Variants in SEZ6L observed in about 807,000 individuals in gnomAD.
The protein encoded by SEZ6L is seizure related 6 homolog like.
A neutral mutation model predicts 106.2 loss-of-function variants in SEZ6L; 37 were observed. That is an observed-to-expected ratio of 0.35 (90% CI 0.27 to 0.46). The LOEUF is 0.46. SEZ6L is among the 20% of genes least tolerant of loss of function. The pLI, the probability that SEZ6L is intolerant of heterozygous loss-of-function variation, is 1.00. For synonymous variants in SEZ6L, 541 were observed against 570.4 expected (o/e 0.95, Z 0.73); for missense variants, 1,172 against 1,332.8 (o/e 0.88, Z 1.88).
At chr22:26,328,383 A>C (rs934704007) in intron 9 of SEZ6L, among the ~76,000 whole-genome samples, 1 of 152,184 alleles carries the variant, frequency 6.6e-6, no homozygotes, top group African/African-American at 2.4e-5. Flanking sequence ...TGTCAACAAT[A>C]TTATCCCCAT....
intron 4 of SEZ6L, among the ~76,000 whole-genome samples, chr22:26,298,391 C>G (rs530008562): frequency 1.3e-5 from 2 of 152,166 alleles, no homozygotes; most frequent in Admixed American, 1.3e-4. Context: ...CTACTGACTG[C>G]GAAGGAGGCT....
At chr22:26,266,429 C>T (rs891777785) in intron 1 of SEZ6L, among the ~76,000 whole-genome samples, 4 of 150,870 alleles carry the variant, frequency 2.7e-5, no homozygotes, top group Non-Finnish European at 4.4e-5. Context: ...AAAATTTAGC[C>T]GGGCGTGGTG....
chr22:26,211,716 T>C (rs750740891), intron 1 of SEZ6L, among the ~76,000 whole-genome samples: 4 of 136,942 alleles, frequency 2.9e-5, no homozygotes, highest in Admixed American at 8.2e-5. Context: ...ACACCTGTAA[T>C]CCCAGCTACT....
chr22:26,348,516 AG>A (rs1465429692), intron 11 of SEZ6L, among the ~76,000 whole-genome samples: 9 of 16,168 alleles, frequency 5.6e-4, no homozygotes. Flanking sequence ...GAGAGAGAGA[AG>A]GAAGGAAGGA....
intron 1 of SEZ6L, among the ~76,000 whole-genome samples, chr22:26,269,553 C>G (rs2080296370): frequency 6.6e-6 from 1 of 152,186 alleles, no homozygotes; most frequent in African/African-American, 2.4e-5. Flanking sequence ...AGGTTAATCC[C>G]AATCTTCGAC....
chr22:26,210,083 G>T (rs1390956482), intron 1 of SEZ6L, among the ~76,000 whole-genome samples: 1 of 152,034 alleles, frequency 6.6e-6, no homozygotes, highest in African/African-American at 2.4e-5. Context: ...AATATCATTT[G>T]TTTGTGAACC....
At chr22:26,244,745 T>TC (rs1235077891) in intron 1 of SEZ6L, 1 of 150,696 alleles carries the variant, frequency 6.6e-6, no homozygotes, top group African/African-American at 2.4e-5. Flanking sequence ...TTTTATATTT[T>TC]TCCCCCTTCC....
At chr22:26,321,640 G>C (rs1275667030) in intron 9 of SEZ6L, among the ~76,000 whole-genome samples, 4 of 152,176 alleles carry the variant, frequency 2.6e-5, no homozygotes, top group African/African-American at 4.8e-5. Flanking sequence ...GAGCTGCTGG[G>C]TTTAATTTAT....
chr22:26,351,690 G>A (rs969628494), intron 12 of SEZ6L, among the ~76,000 whole-genome samples: 2 of 152,102 alleles, frequency 1.3e-5, no homozygotes, highest in African/African-American at 4.8e-5. Context: ...GGGATTACAG[G>A]CGCGTGCCAC....
chr22:26,264,462 C>T (rs561417618), intron 1 of SEZ6L, among the ~76,000 whole-genome samples: 68 of 152,208 alleles, frequency 4.5e-4, no homozygotes, highest in African/African-American at 1.6e-3. Flanking sequence ...GAATTTAATG[C>T]CAAAATGGGT....
chr22:26,207,968 G>A (rs905479735), intron 1 of SEZ6L, among the ~76,000 whole-genome samples: 1 of 150,170 alleles, frequency 6.7e-6, no homozygotes, highest in Non-Finnish European at 1.5e-5. Context: ...GGAGTGCAGT[G>A]GCGCGATCTC....
rs554541403 is a variant in SEZ6L, at chr22:26,353,128, T to C, written c.2599+1885T>C. On this transcript the variant is annotated intron_variant, in intron 12 of 16. Transcript: ENST00000248933. ...GATTCTTGGACCACACAGCCCTGTG[T>C]CTCCATCTGTCTTTTTAGTCAGAGT... Among the ~76,000 whole-genome samples the C allele has an allele frequency of 2.6e-5, 4 of 152,346 alleles. No homozygotes were observed. In the East Asian group the frequency reaches 5.8e-4, roughly 22 times the overall value.
At position 26,381,933 on chromosome 22, in the gene SEZ6L, A is replaced by C. The variant is rs921756120; in HGVS notation, c.*1638A>C. On this transcript the variant is annotated 3_prime_UTR_variant, in exon 17 of 17. Transcript: ENST00000248933. ...AAAGACCTTTCTGGCCATAGGGAGA[A>C]TAGCAGGGAGTCTATGTTTTGGTGG... The C allele has an allele frequency of 4.0e-6, 2 of 494,120 alleles. No homozygotes were observed. Among genetic ancestry groups the C allele is most frequent in the Admixed American group, 4.2e-5 (2 of 48,156 alleles). 30.6% of individuals were successfully genotyped at this position (494,120 alleles called of 1,614,324 possible). A position where few individuals can be genotyped will look rare whatever the true frequency, so the allele number is the denominator to read the frequency against.
intron 12 of SEZ6L, among the ~76,000 whole-genome samples, chr22:26,363,299 T>C (rs927893452): frequency 2.0e-5 from 3 of 152,224 alleles, no homozygotes; most frequent in Admixed American, 1.3e-4. Context: ...AGAAAAGGGT[T>C]CTAGCTGGGA....
chr22:26,324,926 C>T (rs760044257), intron 9 of SEZ6L, among the ~76,000 whole-genome samples: 12 of 152,144 alleles, frequency 7.9e-5, no homozygotes, highest in Admixed American at 2.6e-4. Context: ...TAGAGATCAG[C>T]GTTGTGCTTC....
intron 1 of SEZ6L, among the ~76,000 whole-genome samples, chr22:26,227,738 T>G (rs909606832): frequency 5.3e-5 from 8 of 152,204 alleles, no homozygotes; most frequent in Non-Finnish European, 1.0e-4. Context: ...AGTACGATTA[T>G]GAGTGATTGG....
In SEZ6L at chr22:26,239,467, G is replaced by A. The variant is rs113483860; in HGVS notation, c.95-52939G>A. Reference sequence around the variant, plus strand: ...TTTTATCCAGTGAGACCATGAAAAGGGATTGTGGGAATCTTCATTTTGTAT... The same window carrying A: ...TTTTATCCAGTGAGACCATGAAAAGAGATTGTGGGAATCTTCATTTTGTAT... On this transcript the variant is annotated intron_variant, in intron 1 of 16. Transcript: ENST00000248933. Among the ~76,000 whole-genome samples the A allele has an allele frequency of 6.0e-3, 921 of 152,258 alleles. 9 individuals are homozygous for A. Among genetic ancestry groups the A allele is most frequent in the African/African-American group, 0.021 (853 of 41,546 alleles).
intron 1 of SEZ6L, among the ~76,000 whole-genome samples, chr22:26,289,089 G>C (rs1354705585): frequency 6.6e-6 from 1 of 152,158 alleles, no homozygotes; most frequent in Non-Finnish European, 1.5e-5. Context: ...CTGCCCATTT[G>C]ACACATAGAG....
intron 5 of SEZ6L, 130 bp from the exon 6 acceptor site, chr22:26,305,849 C>G: frequency 1.0e-6 from 1 of 975,344 alleles, no homozygotes. Context: ...GGGCAAGGGG[C>G]AGGGGTGGGG....
Sources: gnomAD v4.1 joint callset for allele counts (sites outside exome capture counted in the v4.1 genomes callset) on GRCh38, gnomAD v4.1.1 for gene constraint, MANE v1.5 for transcripts, NCBI Gene and HGNC (gene_info 2026-07-23, HGNC 2026-07-21) for gene names.